The following PAX7 variants were observed in gnomAD, a reference collection of about 807,000 sequenced individuals.
PAX7 encodes paired box protein Pax-7.
In PAX7, 18 loss-of-function variants were observed where a neutral mutation model predicts 50.7. The ratio of observed to expected loss-of-function variants is 0.36; its 90% CI spans 0.25 to 0.53. The LOEUF is 0.53. PAX7 is among the 20% of genes least tolerant of loss of function. The probability of loss-of-function intolerance (pLI) is 0.93; values close to 1 mark genes in which losing one functional copy is unlikely to be tolerated. For missense variants in PAX7, 644 were observed against 702.9 expected (o/e 0.92, Z 0.95); for synonymous variants, 310 against 290.4 (o/e 1.07, Z -0.69).
intron 4 of PAX7, among the ~76,000 whole-genome samples, chr1:18,667,050 A>C (rs2088679368): frequency 6.6e-6 from 1 of 152,044 alleles, no homozygotes; most frequent in South Asian, 2.1e-4. Flanking sequence ...GCTAAGGGCT[A>C]CCAAGTTTGG....
intron 4 of PAX7, among the ~76,000 whole-genome samples, chr1:18,653,461 T>A (rs1212892919): frequency 6.6e-6 from 1 of 152,108 alleles, no homozygotes; most frequent in African/African-American, 2.4e-5. Context: ...GGGGGAGGTG[T>A]CGCTTTCGGT....
chr1:18,648,684 G>T (rs1365268411), intron 4 of PAX7, among the ~76,000 whole-genome samples: 3 of 152,168 alleles, frequency 2.0e-5, no homozygotes, highest in Non-Finnish European at 4.4e-5. Context: ...TGTGGGATGT[G>T]CTGGGGAGGA....
intron 4 of PAX7, among the ~76,000 whole-genome samples, chr1:18,646,377 C>A (rs1175005720): frequency 6.6e-6 from 1 of 152,088 alleles, no homozygotes; most frequent in African/African-American, 2.4e-5. Context: ...TAAATGGCCC[C>A]CTTTGCGTCG....
intron 4 of PAX7, among the ~76,000 whole-genome samples, chr1:18,689,030 C>A (rs926456916): frequency 2.0e-5 from 3 of 152,234 alleles, no homozygotes; most frequent in Non-Finnish European, 4.4e-5. Context: ...GCCCTCATCT[C>A]TGACCTCACA....
intron 4 of PAX7, among the ~76,000 whole-genome samples, chr1:18,647,330 T>G (rs1269491647): frequency 1.3e-5 from 2 of 152,140 alleles, no homozygotes; most frequent in Non-Finnish European, 2.9e-5. Flanking sequence ...GCTACATGGC[T>G]TGGGCACGCG....
chr1:18,645,421 C>T (rs917221932), intron 4 of PAX7, among the ~76,000 whole-genome samples: 1 of 152,198 alleles, frequency 6.6e-6, no homozygotes, highest in Non-Finnish European at 1.5e-5. Context: ...ATAAGTAGCT[C>T]GGAAAACTCC....
intron 8 of PAX7, among the ~76,000 whole-genome samples, chr1:18,742,075 G>A (rs961402607): frequency 7.9e-5 from 12 of 151,648 alleles, no homozygotes; most frequent in Admixed American, 4.6e-4. Context: ...AACAGGACTA[G>A]GATAGAACAA....
In PAX7 at chr1:18,691,944, G is replaced by C. The variant is rs150824825; in HGVS notation, c.777G>C (p.Ala259=). Residue 259 remains alanine (A), a synonymous_variant, in exon 5 of 9, where the codon GCG becomes GCC. Transcript: ENST00000420770. ...CGCAGAGGACCAAGCTGACAGAGGC[G>C]CGTGTGCAGGTGAGGAGGCACCTGC... ...ELAQRTKLTE[A]RVQVWFSNRR... 2 of 1,613,188 alleles carry C rather than the reference G, an allele frequency of 1.2e-6. No individual in the cohort carries two copies. Among genetic ancestry groups the C allele is most frequent in the Non-Finnish European group, 8.5e-7 (1 of 1,179,672 alleles).
At chr1:18,739,793 G>A (rs764705215) in intron 8 of PAX7, among the ~76,000 whole-genome samples, 5 of 152,184 alleles carry the variant, frequency 3.3e-5, no homozygotes, top group Non-Finnish European at 7.3e-5. Context: ...CCACCTGTCC[G>A]TCTTTCCTCG....
intron 7 of PAX7, among the ~76,000 whole-genome samples, chr1:18,721,774 A>G (rs953554301): frequency 3.9e-5 from 6 of 152,248 alleles, no homozygotes; most frequent in African/African-American, 4.8e-5. Context: ...CCATGTCTGG[A>G]AACACACAGG....
intron 4 of PAX7, among the ~76,000 whole-genome samples, chr1:18,646,273 T>G (rs1362981449): frequency 7.3e-6 from 1 of 136,196 alleles, no homozygotes. Context: ...CAAATTAGGT[T>G]CTGGTTGGGA....
At chr1:18,641,441 C>A (rs750883897) in intron 4 of PAX7, among the ~76,000 whole-genome samples, 1 of 152,138 alleles carries the variant, frequency 6.6e-6, no homozygotes, top group Non-Finnish European at 1.5e-5. Context: ...AGAAAAGAGG[C>A]TCGGTTCCCG....
intron 4 of PAX7, among the ~76,000 whole-genome samples, chr1:18,648,099 G>A (rs1216993488): frequency 6.6e-6 from 1 of 152,130 alleles, no homozygotes; most frequent in Non-Finnish European, 1.5e-5. Context: ...GTAGGGAGGT[G>A]TGGGTGAGTG....
chr1:18,693,989 G>A (rs1251390852), intron 5 of PAX7, among the ~76,000 whole-genome samples: 1 of 152,178 alleles, frequency 6.6e-6, no homozygotes, highest in East Asian at 1.9e-4. Flanking sequence ...GGCGGGGCCC[G>A]CCTCCTGCGT....
chr1:18,667,814 G>A (rs1195501056), intron 4 of PAX7, among the ~76,000 whole-genome samples: 1 of 152,090 alleles, frequency 6.6e-6, no homozygotes, highest in East Asian at 1.9e-4. Flanking sequence ...AGCACTGGGG[G>A]TTGATGAAGG....
At chr1:18,663,376 T>C (rs1053254810) in intron 4 of PAX7, among the ~76,000 whole-genome samples, 3 of 152,144 alleles carry the variant, frequency 2.0e-5, no homozygotes, top group African/African-American at 7.2e-5. Flanking sequence ...GTGGGGTTTG[T>C]TTTGTTTTGT....
chr1:18,674,566 G>A (rs927093549), intron 4 of PAX7, among the ~76,000 whole-genome samples: 9 of 152,200 alleles, frequency 5.9e-5, no homozygotes, highest in Middle Eastern at 3.2e-3. Flanking sequence ...CAAGTTGCAG[G>A]AGCAGGCACA....
intron 4 of PAX7, among the ~76,000 whole-genome samples, chr1:18,678,361 T>C (rs893921916): frequency 2.0e-5 from 3 of 152,068 alleles, no homozygotes; most frequent in Non-Finnish European, 4.4e-5. Flanking sequence ...ATTGTGCCAT[T>C]GCACTCCAGC....
chr1:18,651,763 C>T (rs2088434214), intron 4 of PAX7, among the ~76,000 whole-genome samples: 1 of 151,674 alleles, frequency 6.6e-6, no homozygotes, highest in Non-Finnish European at 1.5e-5. Context: ...AGTTCCGTCC[C>T]TCCCCAACAC....
Sources: gnomAD v4.1 joint callset for allele counts (sites outside exome capture counted in the v4.1 genomes callset) on GRCh38, gnomAD v4.1.1 for gene constraint, MANE v1.5 for transcripts, NCBI Gene and HGNC (gene_info 2026-07-23, HGNC 2026-07-21) for gene names.